The following C4orf51 variants were observed in gnomAD, a reference collection of about 807,000 sequenced individuals.
The protein encoded by C4orf51 is uncharacterized protein C4orf51.
In C4orf51, 25 loss-of-function variants were observed where a neutral mutation model predicts 25.2. That is an observed-to-expected ratio of 0.99 (90% CI 0.72 to 1.39). The LOEUF (loss-of-function observed/expected upper bound fraction) is 1.39. C4orf51 is among the 40% of genes most tolerant of loss of function. The pLI is 0.00. For synonymous variants in C4orf51, 100 were observed against 84.5 expected (o/e 1.18, Z -1.01); for missense variants, 252 against 239.6 (o/e 1.05, Z -0.34).
intron 1 of C4orf51, among the ~76,000 whole-genome samples, chr4:145,744,819 C>T (rs1441510692): frequency 1.3e-5 from 2 of 150,424 alleles, no homozygotes. Context: ...CGCCACTGTA[C>T]TCCAGCCTGG....
chr4:145,754,764 G>A (rs1733851431), downstream of C4orf51, among the ~76,000 whole-genome samples: 1 of 152,098 alleles, frequency 6.6e-6, no homozygotes, highest in South Asian at 2.1e-4. Context: ...GTGAAACTGC[G>A]TCTCTACTAA....
intron 2 of C4orf51, among the ~76,000 whole-genome samples, chr4:145,699,261 G>A (rs1326505566): frequency 3.1e-5 from 4 of 127,124 alleles, no homozygotes; most frequent in East Asian, 2.3e-4. Context: ...CTCTTCACAC[G>A]GATGCGCAAG....
intron 1 of C4orf51, among the ~76,000 whole-genome samples, chr4:145,739,794 G>A (rs1010519565): frequency 1.3e-5 from 2 of 152,144 alleles, no homozygotes; most frequent in African/African-American, 4.8e-5. Flanking sequence ...TTACTCTCCT[G>A]ACTAAAAGGT....
At chr4:145,688,866 C>T (rs1340244521) in intron 1 of C4orf51, among the ~76,000 whole-genome samples, 2 of 149,290 alleles carry the variant, frequency 1.3e-5, no homozygotes, top group African/African-American at 2.5e-5. Flanking sequence ...CAGGCAATAG[C>T]TGAGACACTC....
intron 2 of C4orf51, among the ~76,000 whole-genome samples, chr4:145,706,831 GA>G (rs1290015907): frequency 8.7e-6 from 1 of 114,938 alleles, no homozygotes; most frequent in East Asian, 2.5e-4. Context: ...TTTTTTTTGA[GA>G]CAGAGTTTCC....
chr4:145,713,939 T>C (rs527754510), intron 2 of C4orf51, among the ~76,000 whole-genome samples: 1 of 152,232 alleles, frequency 6.6e-6, no homozygotes, highest in South Asian at 2.1e-4. Flanking sequence ...CCTGCCACCA[T>C]GCCTGGCCAA....
At chr4:145,702,483 A>G (rs1362712367) in intron 2 of C4orf51, among the ~76,000 whole-genome samples, 1 of 152,108 alleles carries the variant, frequency 6.6e-6, no homozygotes, top group East Asian at 1.9e-4. Context: ...CCATTACTTC[A>G]GTCAAGCCCA....
chr4:145,691,336 C>A (rs975313621), intron 1 of C4orf51, among the ~76,000 whole-genome samples: 3 of 152,198 alleles, frequency 2.0e-5, no homozygotes, highest in African/African-American at 7.2e-5. Flanking sequence ...CATTTATACA[C>A]TGTTGGTGGG....
intron 2 of C4orf51, among the ~76,000 whole-genome samples, chr4:145,713,162 T>C (rs961578086): frequency 6.6e-6 from 1 of 152,222 alleles, no homozygotes; most frequent in African/African-American, 2.4e-5. Context: ...TTAATGTTGG[T>C]TCCATGCCTG....
chr4:145,749,120 T>A (rs1265171578), intron 1 of C4orf51, among the ~76,000 whole-genome samples: 1 of 150,456 alleles, frequency 6.6e-6, no homozygotes, highest in African/African-American at 2.4e-5. Flanking sequence ...ATCCTCTTGC[T>A]GAATTGACCC....
intron 1 of C4orf51, among the ~76,000 whole-genome samples, chr4:145,766,193 G>C (rs1173858231): frequency 6.6e-6 from 1 of 152,154 alleles, no homozygotes; most frequent in Non-Finnish European, 1.5e-5. Flanking sequence ...AGAGGTTTGA[G>C]TTCGTCTGAC....
chr4:145,684,952 A>G (rs574069463), intron 1 of C4orf51, among the ~76,000 whole-genome samples: 65 of 152,302 alleles, frequency 4.3e-4, no homozygotes, highest in African/African-American at 1.5e-3. Context: ...CTCTAAGCTT[A>G]TTAGGTAAAA....
At chr4:145,774,809 T>C (rs182226966), downstream of C4orf51, 4 of 1,031,974 alleles carry the variant, frequency 3.9e-6, no homozygotes, top group Non-Finnish European at 5.5e-6. Context: ...CAAAAGGTTT[T>C]GCATTAGAAA....
chr4:145,749,873 A>T (rs1463557740), intron 1 of C4orf51, among the ~76,000 whole-genome samples: 1 of 152,092 alleles, frequency 6.6e-6, no homozygotes. Flanking sequence ...TGACCTCATG[A>T]TCTGCCCGCC....
At chr4:145,745,815 G>T (rs978830021) in intron 1 of C4orf51, among the ~76,000 whole-genome samples, 3 of 152,120 alleles carry the variant, frequency 2.0e-5, no homozygotes, top group Admixed American at 6.5e-5. Context: ...CTCCATAGTG[G>T]TTGTACTAAT....
intron 1 of C4orf51, among the ~76,000 whole-genome samples, chr4:145,769,306 A>G (rs928606653): frequency 9.9e-5 from 15 of 152,154 alleles, no homozygotes; most frequent in African/African-American, 3.6e-4. Context: ...CCATTTGCTT[A>G]TCAGTATATA....
At chr4:145,733,384 C>A (rs373150745), downstream of C4orf51, among the ~76,000 whole-genome samples, 1 of 152,214 alleles carries the variant, frequency 6.6e-6, no homozygotes, top group African/African-American at 2.4e-5. Flanking sequence ...GGACCGGGAG[C>A]GGCAGGGGCT....
chr4:145,703,475 T>G (rs1730599249), intron 2 of C4orf51, among the ~76,000 whole-genome samples: 1 of 152,200 alleles, frequency 6.6e-6, no homozygotes, highest in Non-Finnish European at 1.5e-5. Context: ...AAAACCTGTT[T>G]GGTGGTCTCT....
intron 2 of C4orf51, among the ~76,000 whole-genome samples, chr4:145,717,192 A>AG (rs1430760525): frequency 1.3e-5 from 2 of 151,808 alleles, no homozygotes; most frequent in African/African-American, 4.8e-5. Context: ...GGGGCATTTG[A>AG]GGGGTGGAAA....
Sources: gnomAD v4.1 joint callset for allele counts (sites outside exome capture counted in the v4.1 genomes callset) on GRCh38, gnomAD v4.1.1 for gene constraint, MANE v1.5 for transcripts, NCBI Gene and HGNC (gene_info 2026-07-23, HGNC 2026-07-21) for gene names.